Variants in ADGRV1 observed in about 807,000 individuals in gnomAD.
ADGRV1 encodes adhesion G protein-coupled receptor V1.
Under a neutral mutation model 596.2 loss-of-function variants are expected in ADGRV1, and 359 were observed. That is an observed-to-expected ratio of 0.60 (90% CI 0.55 to 0.66). The LOEUF (loss-of-function observed/expected upper bound fraction) is 0.66, where lower values mean the gene tolerates loss of function less well. Ranked by LOEUF, ADGRV1 falls within the 30% of genes least tolerant of loss-of-function variation. The probability of loss-of-function intolerance (pLI) is 0.00; values close to 1 mark genes in which losing one functional copy is unlikely to be tolerated. For missense variants in ADGRV1, 7,274 were observed against 7,575.6 expected (o/e 0.96, Z 1.48); for synonymous variants, 2,681 against 2,679.2 (o/e 1.00, Z -0.02).
intron 37 of ADGRV1, among the ~76,000 whole-genome samples, chr5:90,705,966 A>G (rs1454504814): frequency 6.6e-6 from 1 of 152,162 alleles, no homozygotes; most frequent in Non-Finnish European, 1.5e-5. Flanking sequence ...GAACCAGCAC[A>G]TCATCATTTT....
rs755275790 is a variant in ADGRV1 at position 90,810,636 on chromosome 5, G to T, written c.15376G>T (p.Asp5126Tyr). The T allele has an allele frequency of 6.2e-7, 1 of 1,613,898 alleles. No homozygotes were observed. The highest frequency in any genetic ancestry group is 8.5e-7 in the Non-Finnish European group (1 of 1,179,880). ...CAGTGTTGCAGTGATTACAATATTG[G>T]ATAATGATGACCTGGCAGGAATGGA... ...DFSVAVITILDNDDLAGMDIS... is the reference protein window; with the variant it reads ...DFSVAVITILYNDDLAGMDIS... The change falls in exon 74 of 90, where the codon GAT (aspartate) becomes TAT (tyrosine). Residue 5126 changes from aspartate to tyrosine, a missense_variant. Coordinates refer to ENST00000405460, the MANE Select transcript of ADGRV1 (RefSeq NM_032119.4).
intron 75 of ADGRV1, among the ~76,000 whole-genome samples, chr5:90,821,209 G>C (rs1168937384): frequency 5.4e-5 from 8 of 149,454 alleles, no homozygotes; most frequent in Non-Finnish European, 7.5e-5. Flanking sequence ...TGATCGCATC[G>C]GCTCCTGAGG....
chr5:90,613,800 C>T (rs572620822), intron 1 of ADGRV1, among the ~76,000 whole-genome samples: 12 of 152,136 alleles, frequency 7.9e-5, no homozygotes, highest in African/African-American at 2.2e-4. Context: ...ATATATTTGG[C>T]GTGTCTAAGT....
chr5:91,021,951 C>T (rs936720348), intron 85 of ADGRV1, among the ~76,000 whole-genome samples: 3 of 151,978 alleles, frequency 2.0e-5, no homozygotes, highest in African/African-American at 7.2e-5. Context: ...GATTGCCTAC[C>T]TGTAAGCATG....
chr5:90,935,587 A>T (rs955132588), intron 83 of ADGRV1, among the ~76,000 whole-genome samples: 1 of 152,226 alleles, frequency 6.6e-6, no homozygotes, highest in Admixed American at 6.5e-5. Flanking sequence ...CCTGTAAAAA[A>T]TGTGGCATGT....
intron 21 of ADGRV1, among the ~76,000 whole-genome samples, chr5:90,664,823 AG>A (rs1350847098): frequency 7.2e-6 from 1 of 138,704 alleles, no homozygotes; most frequent in Non-Finnish European, 1.5e-5. Context: ...TTTAGCATGA[AG>A]GGTTGTTGAA....
intron 86 of ADGRV1, among the ~76,000 whole-genome samples, chr5:91,098,163 G>A (rs1448330903): frequency 6.6e-6 from 1 of 152,158 alleles, no homozygotes; most frequent in Non-Finnish European, 1.5e-5. Flanking sequence ...TTCATCAAAT[G>A]CGAAATAACA....
intron 1 of ADGRV1, among the ~76,000 whole-genome samples, chr5:90,594,485 CTTTTTTTTT>C (rs569370594): frequency 2.8e-5 from 3 of 108,316 alleles, no homozygotes; most frequent in Non-Finnish European, 5.4e-5. Flanking sequence ...TCTGGCAGTT[CTTTTTTTTT>C]TTTTTTTTTT....
intron 1 of ADGRV1, among the ~76,000 whole-genome samples, chr5:90,559,559 T>G (rs1415830679): frequency 6.6e-6 from 1 of 152,164 alleles, no homozygotes; most frequent in Admixed American, 6.5e-5. Context: ...TATAGCAGTG[T>G]TCGTCAGGGG....
At chr5:90,640,595 A>G (rs1011478028) in intron 11 of ADGRV1, 3 of 152,320 alleles carry the variant, frequency 2.0e-5, no homozygotes, top group African/African-American at 7.2e-5. Context: ...CTTGCTGGCC[A>G]TGGGGTCATC....
At chr5:90,595,798 C>T (rs1269154049) in intron 1 of ADGRV1, among the ~76,000 whole-genome samples, 2 of 144,962 alleles carry the variant, frequency 1.4e-5, no homozygotes, top group Non-Finnish European at 1.5e-5. Context: ...GCTGACCCCC[C>T]CACCTCCCTC....
intron 25 of ADGRV1, among the ~76,000 whole-genome samples, chr5:90,677,139 T>C (rs1389983306): frequency 6.6e-6 from 1 of 152,226 alleles, no homozygotes. Context: ...CCGGTATCAT[T>C]ACCTCATTAT....
chr5:90,628,639 G>A lies in ADGRV1; in HGVS notation c.1316G>A (p.Ser439Asn), dbSNP rs371235783. 3.1e-6 allele frequency: 5 copies of A among 1,613,824 alleles called. No homozygotes were observed. The Admixed American group carries it at 5.0e-5, about 16-fold the overall frequency. ...GCGAATTGGGTGTTGACACGGAACA[G>A]CACTGATCCCTCACCAGTAACAGCA... ...VSANWVLTRN[S>N]TDPSPVTADI... The change falls in exon 8 of 90, where the codon AGC (serine) becomes AAC (asparagine). Residue 439 changes from serine to asparagine, a missense_variant. Coordinates refer to ENST00000405460, the MANE Select transcript of ADGRV1 (RefSeq NM_032119.4).
At chr5:91,068,312 C>CA (rs1461970993) in intron 85 of ADGRV1, among the ~76,000 whole-genome samples, 1 of 150,106 alleles carries the variant, frequency 6.7e-6, no homozygotes, top group Admixed American at 6.7e-5. Context: ...AAACAAAAAA[C>CA]AAAAAAATTA....
At chr5:91,128,467 A>G (rs551997848) in intron 87 of ADGRV1, among the ~76,000 whole-genome samples, 1 of 152,250 alleles carries the variant, frequency 6.6e-6, no homozygotes, top group Non-Finnish European at 1.5e-5. Flanking sequence ...CTATGCGTTT[A>G]ACCTCTGTGT....
intron 14 of ADGRV1, 70 bp from the exon 15 acceptor site, chr5:90,644,636 G>C: frequency 8.2e-7 from 1 of 1,214,130 alleles, no homozygotes; most frequent in South Asian, 1.4e-5. Context: ...TTATTTAACC[G>C]ATTTCTTTAC....
intron 13 of ADGRV1, among the ~76,000 whole-genome samples, chr5:90,643,541 A>G (rs977741326): frequency 6.6e-6 from 1 of 152,190 alleles, no homozygotes; most frequent in East Asian, 1.9e-4. Flanking sequence ...CATCAGAGAT[A>G]ACATCCACTT....
intron 21 of ADGRV1, among the ~76,000 whole-genome samples, chr5:90,664,627 C>G (rs12188247): frequency 0.48 from 63,057 of 130,128 alleles, 15,475 homozygotes; most frequent in East Asian, 0.77. Context: ...CCTAATTGCC[C>G]TGGCCAGAAC....
chr5:90,908,825 C>T (rs1772565359), intron 83 of ADGRV1, among the ~76,000 whole-genome samples: 1 of 152,058 alleles, frequency 6.6e-6, no homozygotes, highest in African/African-American at 2.4e-5. Flanking sequence ...TTGGAGGAAA[C>T]TCATACATGA....
Sources: gnomAD v4.1 joint callset for allele counts (sites outside exome capture counted in the v4.1 genomes callset) on GRCh38, gnomAD v4.1.1 for gene constraint, MANE v1.5 for transcripts, NCBI Gene and HGNC (gene_info 2026-07-23, HGNC 2026-07-21) for gene names.